AADAT: variants seen among roughly 807,000 people sequenced by gnomAD.
AADAT encodes the protein kynurenine/alpha-aminoadipate aminotransferase, mitochondrial.
A neutral mutation model predicts 56.2 loss-of-function variants in AADAT; 25 were observed. The observed-to-expected ratio is 0.44, with a 90% CI of 0.32 to 0.62. AADAT has a LOEUF of 0.62. AADAT is among the 20% of genes least tolerant of loss of function. AADAT has a pLI of 0.04. For missense variants in AADAT, 387 were observed against 510.5 expected, an observed-to-expected ratio of 0.76 and a Z score of 2.33; for synonymous variants, 173 against 164.7, an observed-to-expected ratio of 1.05 and a Z score of -0.39.
rs974776383 is a variant in AADAT, at chr4:170,088,447, T to C, written c.185A>G (p.Gln62Arg). 2.5e-6 allele frequency: 4 copies of C among 1,612,798 alleles called. No homozygotes were observed. The highest frequency in any genetic ancestry group is 3.4e-6 in the Non-Finnish European group (4 of 1,178,916). Residue 62 changes from glutamine to arginine, a missense_variant, in exon 2 of 13, where the codon CAA (glutamine) becomes CGA (arginine). Physicochemically the swap from Gln to Arg is conservative, Grantham distance 43. Coordinates refer to ENST00000337664, the MANE Select transcript of AADAT (RefSeq NM_016228.4). The stretch of plus-strand genomic sequence containing the variant: ...TCTCTTCATCATCTCTTCTCCAAAT[T>C]GGATGGTCTTTCCATTTTCTACAGT... ...VITVENGKTI[Q>R]FGEEMMKRAL...
At chr4:170,062,813 T>G (rs1417292392) in intron 11 of AADAT, among the ~76,000 whole-genome samples, 2 of 152,236 alleles carry the variant, frequency 1.3e-5, no homozygotes, top group Non-Finnish European at 2.9e-5. Flanking sequence ...CTTTCCATTT[T>G]GTAGCCATCT....
Position 170,060,816 on chromosome 4 carries a change from C to A in AADAT, c.*112G>T. 2.4e-6 allele frequency: 2 copies of A among 822,068 alleles called. No individual in the cohort carries two copies. Among genetic ancestry groups the A allele is most frequent in the South Asian group, 1.9e-5 (1 of 51,488 alleles). 50.9% of individuals were successfully genotyped at this position (822,068 alleles called of 1,614,324 possible). A position where few individuals can be genotyped will look rare whatever the true frequency, so the allele number is the denominator to read the frequency against. On this transcript the variant is annotated 3_prime_UTR_variant, in exon 13 of 13. Transcript: ENST00000337664. ...GCAGGCCAGAGTGCAGTGGTGTGAT[C>A]GTAGCTTACTGCAGCCTTGAATTCC... is the stretch of plus-strand genomic sequence containing the variant.
At chr4:170,073,405 T>G (rs1731869608) in intron 4 of AADAT, 60 bp from the exon 5 acceptor site, 16 of 1,047,028 alleles carry the variant, frequency 1.5e-5, no homozygotes, top group Non-Finnish European at 1.9e-5. Flanking sequence ...TGCTATTGGT[T>G]TTTTTTTTTT....
chr4:170,070,391 A>G, intron 6 of AADAT, 196 bp downstream of exon 6: 1 of 451,780 alleles, frequency 2.2e-6, no homozygotes, highest in Non-Finnish European at 3.9e-6. Context: ...AGTAATACCA[A>G]AAAAGAAAGG....
intron 3 of AADAT, among the ~76,000 whole-genome samples, chr4:170,083,062 A>G (rs1442445909): frequency 6.6e-6 from 1 of 150,874 alleles, no homozygotes; most frequent in Non-Finnish European, 1.5e-5. Context: ...CAGTTACAAA[A>G]ATATTCAACC....
intron 1 of AADAT, among the ~76,000 whole-genome samples, chr4:170,089,103 T>G (rs1297927650): frequency 6.6e-6 from 1 of 152,210 alleles, no homozygotes; most frequent in Non-Finnish European, 1.5e-5. Context: ...GAATAACTTT[T>G]TCTAGGCACC....
At chr4:170,091,312 C>G (rs1170007608), upstream of AADAT, among the ~76,000 whole-genome samples, 2 of 152,076 alleles carry the variant, frequency 1.3e-5, no homozygotes, top group Non-Finnish European at 1.5e-5. Context: ...CTTGGCGGGC[C>G]GGCACTCAGA....
intron 10 of AADAT, among the ~76,000 whole-genome samples, chr4:170,065,979 C>T (rs1370968329): frequency 6.6e-6 from 1 of 152,030 alleles, no homozygotes; most frequent in Non-Finnish European, 1.5e-5. Flanking sequence ...ATCAAGTTAG[C>T]AATAGATAAT....
intron 4 of AADAT, 94 bp downstream of exon 4, chr4:170,078,415 A>C: frequency 1.5e-6 from 1 of 662,910 alleles, no homozygotes; most frequent in Non-Finnish European, 2.4e-6. Context: ...TAAGATATTA[A>C]CTTTATTATA....
At chr4:170,081,803 G>A (rs964779880) in intron 3 of AADAT, among the ~76,000 whole-genome samples, 6 of 152,146 alleles carry the variant, frequency 3.9e-5, no homozygotes, top group Non-Finnish European at 8.8e-5. Context: ...GCCTCCCAAA[G>A]AGCTGGGATT....
intron 4 of AADAT, among the ~76,000 whole-genome samples, chr4:170,073,772 T>G (rs1731904168): frequency 6.6e-6 from 1 of 152,192 alleles, no homozygotes; most frequent in Admixed American, 6.5e-5. Context: ...GTGCTAGGAT[T>G]ACAGCCGTGA....
At chr4:170,066,507 T>C in intron 9 of AADAT, 29 bp from the exon 10 acceptor site, 1 of 1,531,906 alleles carries the variant, frequency 6.5e-7, no homozygotes, top group Non-Finnish European at 9.0e-7. Context: ...GAAATGGATG[T>C]GCTCAGTACA....
chr4:170,062,308 T>C (rs1430285883), intron 11 of AADAT, among the ~76,000 whole-genome samples: 2 of 152,132 alleles, frequency 1.3e-5, no homozygotes, highest in South Asian at 4.1e-4. Context: ...TAAAGAAAGA[T>C]AAATGGTAAT....
At chr4:170,070,530 C>T in intron 6 of AADAT, 57 bp downstream of exon 6, 2 of 1,280,636 alleles carry the variant, frequency 1.6e-6, no homozygotes, top group Middle Eastern at 1.9e-4. Context: ...CAACACAGTG[C>T]AGTAACTTAA....
chr4:170,078,023 T>C (rs544076015), intron 4 of AADAT, among the ~76,000 whole-genome samples: 1 of 152,320 alleles, frequency 6.6e-6, no homozygotes, highest in East Asian at 1.9e-4. Flanking sequence ...CTCTGACCAG[T>C]GCAGAGCAGA....
At chr4:170,072,223 A>G (rs1053058531) in intron 5 of AADAT, among the ~76,000 whole-genome samples, 1 of 150,966 alleles carries the variant, frequency 6.6e-6, no homozygotes, top group African/African-American at 2.4e-5. Flanking sequence ...GTGTGTGTGT[A>G]TGTGTGTGTG....
At chr4:170,062,039 C>T in intron 11 of AADAT, 46 bp from the exon 12 acceptor site, 1 of 1,355,338 alleles carries the variant, frequency 7.4e-7, no homozygotes, top group Non-Finnish European at 1.0e-6. Context: ...TAAAGAAAAA[C>T]TCAAAGATAA....
chr4:170,066,753 C>A (rs538732065), intron 9 of AADAT, among the ~76,000 whole-genome samples: 41 of 152,166 alleles, frequency 2.7e-4, no homozygotes, highest in African/African-American at 8.9e-4. Context: ...CAGGATCAAT[C>A]TTTGTGTTTA....
intron 11 of AADAT, among the ~76,000 whole-genome samples, chr4:170,063,789 T>G (rs1294252809): frequency 6.6e-6 from 1 of 152,146 alleles, no homozygotes; most frequent in Non-Finnish European, 1.5e-5. Flanking sequence ...AGCAGTAGGG[T>G]TTCAGTGTGT....
Sources: allele counts gnomAD v4.1 joint callset (sites outside exome capture counted in the v4.1 genomes callset), GRCh38; gene constraint gnomAD v4.1.1; transcripts MANE v1.5; gene names NCBI Gene and HGNC (gene_info 2026-07-23, HGNC 2026-07-21).